POU6F2: variants seen among roughly 807,000 people sequenced by gnomAD.
The protein encoded by POU6F2 is POU domain, class 6, transcription factor 2.
A neutral mutation model predicts 71.3 loss-of-function variants in POU6F2; 31 were observed. The ratio of observed to expected loss-of-function variants is 0.43; its 90% CI spans 0.33 to 0.59. The LOEUF is 0.59. Among genes scored for constraint, POU6F2 ranks in the 20% least tolerant of loss-of-function variants. The pLI is 0.04. For missense variants in POU6F2, 783 were observed against 856.8 expected (o/e 0.91, Z 1.07); for synonymous variants, 347 against 355.7 (o/e 0.98, Z 0.27).
intron 3 of POU6F2, among the ~76,000 whole-genome samples, chr7:39,205,806 G>A (rs1036196831): frequency 1.3e-5 from 2 of 152,152 alleles, no homozygotes. Flanking sequence ...GCTCTGCAGA[G>A]TCTCCCCCAA....
At chr7:39,068,484 T>C (rs1238305973) in intron 1 of POU6F2, among the ~76,000 whole-genome samples, 1 of 115,806 alleles carries the variant, frequency 8.6e-6, no homozygotes, top group Non-Finnish European at 1.8e-5. Context: ...ATACACCTAG[T>C]ACATGCATAT....
chr7:39,429,642 G>C (rs543646256), intron 6 of POU6F2, among the ~76,000 whole-genome samples: 22 of 152,266 alleles, frequency 1.4e-4, no homozygotes, highest in Admixed American at 1.4e-3. Context: ...AATCTGTCTG[G>C]TACATTGAGT....
At chr7:39,074,341 G>C (rs1412835290) in intron 1 of POU6F2, among the ~76,000 whole-genome samples, 1 of 152,038 alleles carries the variant, frequency 6.6e-6, no homozygotes, top group Non-Finnish European at 1.5e-5. Flanking sequence ...AAAATTAGCT[G>C]GGTGTGGTGG....
intron 5 of POU6F2, among the ~76,000 whole-genome samples, chr7:39,403,522 A>C (rs1787349356): frequency 6.6e-6 from 1 of 152,216 alleles, no homozygotes; most frequent in Non-Finnish European, 1.5e-5. Flanking sequence ...TGAAGGCATA[A>C]ACTTGGCAGC....
intron 1 of POU6F2, among the ~76,000 whole-genome samples, chr7:39,016,039 A>AG (rs1562671253): frequency 2.3e-4 from 13 of 56,838 alleles, no homozygotes; most frequent in Admixed American, 6.0e-4. Flanking sequence ...ATAGATATAT[A>AG]TTATATATTA....
At chr7:39,342,790 G>GT (rs1460910461) in intron 5 of POU6F2, among the ~76,000 whole-genome samples, 1 of 151,976 alleles carries the variant, frequency 6.6e-6, no homozygotes, top group East Asian at 1.9e-4. Context: ...CAAATACCTC[G>GT]TATCAGGCTT....
chr7:39,373,504 T>C (rs1327029872), intron 5 of POU6F2: 2 of 456,548 alleles, frequency 4.4e-6, no homozygotes, highest in African/African-American at 4.0e-5. Context: ...GAGTATGGAC[T>C]AAGGGAGAAA....
At chr7:39,311,465 G>A (rs4723854) in intron 4 of POU6F2, among the ~76,000 whole-genome samples, 104,007 of 151,892 alleles carry the variant, frequency 0.68, 35,627 homozygotes, top group Admixed American at 0.77. Flanking sequence ...GTCTTCCTCC[G>A]CTAGAACGTA....
intron 2 of POU6F2, among the ~76,000 whole-genome samples, chr7:39,127,399 C>T (rs184018912): frequency 2.0e-5 from 3 of 152,260 alleles, no homozygotes; most frequent in Admixed American, 2.0e-4. Context: ...TTTAGTCATT[C>T]AAGCAATATT....
chr7:39,346,682 A>G (rs6462911), intron 5 of POU6F2, among the ~76,000 whole-genome samples: 149,556 of 152,366 alleles, frequency 0.98, 73,422 homozygotes, highest in East Asian at 1. Context: ...TGCCCAAAAT[A>G]TGCCGGCTGG....
At chr7:39,083,288 A>T (rs1317330729) in intron 1 of POU6F2, among the ~76,000 whole-genome samples, 2 of 152,208 alleles carry the variant, frequency 1.3e-5, no homozygotes, top group Non-Finnish European at 2.9e-5. Flanking sequence ...ACATTATCTT[A>T]AAAAATGCTC....
intron 4 of POU6F2, among the ~76,000 whole-genome samples, chr7:39,337,123 T>C (rs1785794530): frequency 6.6e-6 from 1 of 152,206 alleles, no homozygotes; most frequent in Non-Finnish European, 1.5e-5. Flanking sequence ...AGCTAATATA[T>C]AGAAACTGAA....
At chr7:39,106,575 G>A (rs1294625500) in intron 2 of POU6F2, among the ~76,000 whole-genome samples, 1 of 152,062 alleles carries the variant, frequency 6.6e-6, no homozygotes, top group Non-Finnish European at 1.5e-5. Context: ...GCTCATATGG[G>A]CATGCTATCA....
rs1254637846 is a variant in POU6F2, at chr7:39,302,341, A to C, written c.599-37301A>C. ...ACCAAAAATGCACTGTTGGGGGGTGATATTTATTTCCCTCACACTCTATGC... is the reference window on the plus strand; with the variant it reads ...ACCAAAAATGCACTGTTGGGGGGTGCTATTTATTTCCCTCACACTCTATGC... On this transcript the variant is annotated intron_variant, in intron 4 of 9. Coordinates refer to ENST00000518318, the MANE Select transcript of POU6F2 (RefSeq NM_001370959.1). Among the ~76,000 whole-genome samples the C allele has an allele frequency of 2.6e-5, 4 of 152,306 alleles. No homozygotes were observed. In the East Asian group the frequency reaches 7.7e-4, roughly 29 times the overall value.
At chr7:39,030,500 C>CTATATATATATATATATATATATATATA (rs58426134) in intron 1 of POU6F2, among the ~76,000 whole-genome samples, 1 of 46,246 alleles carries the variant, frequency 2.2e-5, no homozygotes, top group African/African-American at 6.5e-5. Context: ...TCAAAAAATA[C>CTATATATATATATATATATATATATATA]TATATATATA....
At chr7:39,052,986 G>C (rs1440949926) in intron 1 of POU6F2, among the ~76,000 whole-genome samples, 1 of 152,064 alleles carries the variant, frequency 6.6e-6, no homozygotes, top group Non-Finnish European at 1.5e-5. Flanking sequence ...AGCATCACTT[G>C]GGAACTTACT....
intron 4 of POU6F2, among the ~76,000 whole-genome samples, chr7:39,304,314 G>T (rs73382978): frequency 0.019 from 2,961 of 152,254 alleles, 106 homozygotes; most frequent in African/African-American, 0.068. Context: ...TACAGAAACA[G>T]TCTCTGGAGA....
At chr7:39,226,560 T>TG (rs1794464041) in intron 4 of POU6F2, among the ~76,000 whole-genome samples, 4 of 152,214 alleles carry the variant, frequency 2.6e-5, no homozygotes, top group Admixed American at 2.6e-4. Flanking sequence ...AAAATGTACA[T>TG]GAAAGAAGCA....
chr7:39,374,708 T>C (rs986432709), intron 5 of POU6F2, among the ~76,000 whole-genome samples: 1 of 152,086 alleles, frequency 6.6e-6, no homozygotes, highest in Admixed American at 6.5e-5. Flanking sequence ...ACTCTTGGAT[T>C]GAGTGGAGGA....
Sources: allele counts gnomAD v4.1 joint callset (sites outside exome capture counted in the v4.1 genomes callset), GRCh38; gene constraint gnomAD v4.1.1; transcripts MANE v1.5; gene names NCBI Gene and HGNC (gene_info 2026-07-23, HGNC 2026-07-21).